Variants in CP observed in about 807,000 individuals in gnomAD.
The protein encoded by CP is caeruloplasmin.
In CP, 64 loss-of-function variants were observed where a neutral mutation model predicts 122.4. The observed-to-expected ratio is 0.52, with a 90% CI of 0.43 to 0.64. The LOEUF (loss-of-function observed/expected upper bound fraction) is 0.64. CP is among the 30% of genes least tolerant of loss of function. The pLI, the probability that CP is intolerant of heterozygous loss-of-function variation, is 0.00. For synonymous variants in CP, 440 were observed against 436.4 expected (o/e 1.01, Z -0.10); for missense variants, 1,167 against 1,284.4 (o/e 0.91, Z 1.40).
intron 1 of CP, among the ~76,000 whole-genome samples, chr3:149,213,172 T>C (rs1405930952): frequency 6.6e-6 from 1 of 152,226 alleles, no homozygotes; most frequent in African/African-American, 2.4e-5. Context: ...TATATTTTTT[T>C]CCTTAAAGTA....
At chr3:149,191,712 A>G (rs938295201) in intron 9 of CP, among the ~76,000 whole-genome samples, 23 of 152,124 alleles carry the variant, frequency 1.5e-4, no homozygotes, top group African/African-American at 4.6e-4. Context: ...TCAGTTGGAA[A>G]TTATTTGAAC....
Position 149,202,118 on chromosome 3 carries a change from C to T in CP, c.1332G>A (p.Glu444=). The part of the protein sequence containing the change: ...TNRKERGPEE[E]HLGILGPVIW... ...AGAACTCACCCAGGATGCCAAGATG[C>T]TCTTCTTCAGGGCCTCTCTCCTTTC... The change falls in exon 7 of 19, where the codon GAG becomes GAA. Residue 444 remains glutamate, a synonymous_variant. Coordinates refer to ENST00000264613, the MANE Select transcript of CP (RefSeq NM_000096.4). 1 of 1,614,130 alleles carries T rather than the reference C, an allele frequency of 6.2e-7. No homozygotes were observed. Among genetic ancestry groups the T allele is most frequent in the Non-Finnish European group, 8.5e-7 (1 of 1,179,992 alleles).
Position 149,178,503 on chromosome 3 carries a change from G to A in CP, c.2790C>T (p.Tyr930=), listed in dbSNP as rs958621868. Residue 930 remains tyrosine, a synonymous_variant, in exon 16 of 19, where the codon TAC becomes TAT. Transcript: ENST00000264613. ...AGTATGTTTTGATGTTGTCATCTAA[G>A]TACCAAGATTCATTCTCATCAAAAA... ...FLVFDENESW[Y]LDDNIKTYSD... 5 of 1,612,966 alleles carry A rather than the reference G, an allele frequency of 3.1e-6. No homozygotes were observed. The African/African-American group carries it at 4.0e-5, about 13-fold the overall frequency.
chr3:149,209,286 T>C lies in CP; in HGVS notation c.706A>G (p.Ile236Val), dbSNP rs1727951953. 2 of 1,613,848 alleles carry C rather than the reference T, an allele frequency of 1.2e-6. No homozygotes were observed. Among genetic ancestry groups the C allele is most frequent in the Non-Finnish European group, 1.7e-6 (2 of 1,179,790 alleles). The change falls in exon 4 of 19, where the codon ATT (isoleucine) becomes GTT (valine). Residue 236 changes from isoleucine (I) to valine (V), a missense_variant. Around this residue, in one of 2 missense-constraint regions of CP, gnomAD observed 642 missense variants for 627.3 expected, o/e 1.02. Coordinates refer to ENST00000264613, the MANE Select transcript of CP (RefSeq NM_000096.4). ...ENFSWYLEDN[I>V]KTYCSEPEKV... Reference sequence around the variant, plus strand: ...TCTGGTTCTGAGCAGTAGGTTTTAATGTTGTCTTCTAGGTACCAGCTGAAA... The same window carrying C: ...TCTGGTTCTGAGCAGTAGGTTTTAACGTTGTCTTCTAGGTACCAGCTGAAA...
intron 12 of CP, among the ~76,000 whole-genome samples, chr3:149,184,281 C>T (rs988630443): frequency 2.5e-4 from 38 of 152,090 alleles, no homozygotes; most frequent in Middle Eastern, 6.8e-3. Context: ...GTGATCCGCC[C>T]GCCTCGGCCT....
At chr3:149,183,816 T>G (rs993187077) in intron 12 of CP, among the ~76,000 whole-genome samples, 2 of 152,086 alleles carry the variant, frequency 1.3e-5, no homozygotes, top group African/African-American at 4.8e-5. Context: ...TGCAGCCATC[T>G]GAGTCCTGGC....
chr3:149,207,305 T>C, intron 5 of CP, 58 bp downstream of exon 5: 1 of 1,610,062 alleles, frequency 6.2e-7, no homozygotes, highest in South Asian at 1.1e-5. Context: ...TTTTAGATTC[T>C]GATTCCCAGT....
intron 18 of CP, among the ~76,000 whole-genome samples, chr3:149,174,020 C>A (rs934103531): frequency 1.3e-5 from 2 of 152,068 alleles, no homozygotes; most frequent in African/African-American, 2.4e-5. Context: ...TTAACATAAC[C>A]AGTAATAGAA....
intron 1 of CP, among the ~76,000 whole-genome samples, chr3:149,219,518 G>A (rs183893496): frequency 9.2e-5 from 14 of 152,306 alleles, no homozygotes; most frequent in African/African-American, 2.9e-4. Flanking sequence ...CCCTGCACAA[G>A]CTCTTTCTTG....
intron 16 of CP, among the ~76,000 whole-genome samples, chr3:149,178,185 A>T (rs1268293107): frequency 6.6e-6 from 1 of 152,224 alleles, no homozygotes; most frequent in East Asian, 1.9e-4. Context: ...CCTTAATCTT[A>T]GTTTTGGATT....
Position 149,188,114 on chromosome 3 carries a change from G to A in CP, c.1802C>T (p.Thr601Ile). ...LLLEDNIRMF[T>I]TAPDQVDKED... ...CTTATCCACCTGATCAGGTGCAGTT[G>A]TAAACATTCTAATATTATCTTCCAG... is the stretch of plus-strand genomic sequence containing the variant. Residue 601 changes from threonine (T) to isoleucine (I), a missense_variant, in exon 10 of 19, where the codon ACA (threonine) becomes ATA (isoleucine). Physicochemically the swap from Thr to Ile is moderately conservative, Grantham distance 89. Coordinates refer to ENST00000264613, the MANE Select transcript of CP (RefSeq NM_000096.4). 1 of 1,612,654 alleles carries A rather than the reference G, an allele frequency of 6.2e-7. No homozygotes were observed.
At chr3:149,218,454 T>C (rs934096107) in intron 1 of CP, among the ~76,000 whole-genome samples, 2 of 152,158 alleles carry the variant, frequency 1.3e-5, no homozygotes, top group Non-Finnish European at 2.9e-5. Flanking sequence ...CTTTTAGAAA[T>C]AAATATTATT....
chr3:149,212,209 G>A (rs772294735), intron 2 of CP, among the ~76,000 whole-genome samples: 2 of 152,060 alleles, frequency 1.3e-5, no homozygotes, highest in Non-Finnish European at 2.9e-5. Flanking sequence ...TACTCGGGAG[G>A]CTGAGGCAGG....
chr3:149,209,488 T>A, intron 3 of CP, 104 bp from the exon 4 acceptor site: 1 of 1,220,036 alleles, frequency 8.2e-7, no homozygotes, highest in Non-Finnish European at 1.1e-6. Context: ...TATTTATTTT[T>A]TCGAATAAAT....
At chr3:149,201,410 C>T (rs1035457075) in intron 7 of CP, among the ~76,000 whole-genome samples, 1 of 152,230 alleles carries the variant, frequency 6.6e-6, no homozygotes, top group Non-Finnish European at 1.5e-5. Context: ...CGTGAGCCAC[C>T]ACGCCTGGCC....
At chr3:149,214,191 T>C (rs1186747277) in intron 1 of CP, among the ~76,000 whole-genome samples, 2 of 152,000 alleles carry the variant, frequency 1.3e-5, no homozygotes, top group African/African-American at 4.8e-5. Flanking sequence ...GGTAGAAAAC[T>C]CGGTTTCCAG....
intron 17 of CP, chr3:149,176,726 A>T (rs1576726222): frequency 3.5e-6 from 1 of 286,144 alleles, no homozygotes; most frequent in Non-Finnish European, 6.7e-6. Flanking sequence ...CACAAAAGGA[A>T]CTCAGCTGTG....
At chr3:149,170,980 A>T (rs141886168), downstream of CP, among the ~76,000 whole-genome samples, 21 of 152,202 alleles carry the variant, frequency 1.4e-4, no homozygotes, top group African/African-American at 4.8e-4. Flanking sequence ...ATTCCTTAAT[A>T]TTTAAAATGT....
Position 149,207,569 on chromosome 3 carries a change from G to T in CP, c.830C>A (p.Ala277Asp), listed in dbSNP as rs1727830352. The T allele has an allele frequency of 3.1e-6, 5 of 1,613,834 alleles. No homozygotes were observed. Among genetic ancestry groups the T allele is most frequent in the Admixed American group, 1.7e-5 (1 of 59,992 alleles). The change falls in exon 5 of 19, where the codon GCT becomes GAT. Residue 277 changes from alanine (A) to aspartate (D), a missense_variant. Ala to Asp is a moderately radical substitution (Grantham distance 126, BLOSUM62 -2). Transcript: ENST00000264613. ...AAGGTACCATTTTACTCTGTCTTCAGCACACATGGAGAGTCCTGGGAGACT... is the reference window on the plus strand; with the variant it reads ...AAGGTACCATTTTACTCTGTCTTCATCACACATGGAGAGTCCTGGGAGACT... ...FGSLPGLSMC[A>D]EDRVKWYLFG...
Sources: allele counts gnomAD v4.1 joint callset (sites outside exome capture counted in the v4.1 genomes callset), GRCh38; gene constraint gnomAD v4.1.1; regional missense constraint gnomAD v4.1.1; transcripts MANE v1.5; gene names NCBI Gene and HGNC (gene_info 2026-07-23, HGNC 2026-07-21).